The following TRIM44 variants were observed in gnomAD, a reference collection of about 807,000 sequenced individuals.
The protein encoded by TRIM44 is tripartite motif containing 44, also known as tripartite motif-containing protein 44.
In TRIM44, 13 loss-of-function variants were observed where a neutral mutation model predicts 37.4. The ratio of observed to expected loss-of-function variants is 0.35; its 90% CI spans 0.23 to 0.55. The LOEUF is 0.55. TRIM44 is among the 20% of genes least tolerant of loss of function. The probability of loss-of-function intolerance (pLI) is 0.89; values close to 1 mark genes in which losing one functional copy is unlikely to be tolerated. For missense variants in TRIM44, 426 were observed against 437.2 expected, an observed-to-expected ratio of 0.97 and a Z score of 0.23; for synonymous variants, 175 against 157.2, an observed-to-expected ratio of 1.11 and a Z score of -0.85.
intron 2 of TRIM44, among the ~76,000 whole-genome samples, chr11:35,717,640 C>G (rs898347115): frequency 6.6e-6 from 1 of 152,142 alleles, no homozygotes. Flanking sequence ...TTGGTTCTAT[C>G]TGGGCAGTAG....
chr11:35,709,831 C>T (rs1319950288), intron 2 of TRIM44, among the ~76,000 whole-genome samples: 3 of 152,226 alleles, frequency 2.0e-5, no homozygotes, highest in Non-Finnish European at 4.4e-5. Context: ...TAAACAAAAA[C>T]GTCAGCTGAA....
chr11:35,757,993 G>A (rs953375383), intron 4 of TRIM44, among the ~76,000 whole-genome samples: 2 of 152,178 alleles, frequency 1.3e-5, no homozygotes, highest in African/African-American at 4.8e-5. Context: ...GGGGTGGAGA[G>A]TTCTGTAGAT....
At position 35,663,027 on chromosome 11, in the gene TRIM44, G is replaced by T; in HGVS notation, c.-85G>T. The T allele has an allele frequency of 7.0e-7, 1 of 1,436,014 alleles. No individual in the cohort carries two copies. Among genetic ancestry groups the T allele is most frequent in the African/African-American group, 1.4e-5 (1 of 69,916 alleles). 89.0% of individuals were successfully genotyped at this position (1,436,014 alleles called of 1,614,324 possible). On this transcript the variant is annotated 5_prime_UTR_variant, in exon 1 of 5. Coordinates refer to ENST00000299413, the MANE Select transcript of TRIM44 (RefSeq NM_017583.6). Reference sequence around the variant, plus strand: ...GAGGCGACTCCCTAGGAAGGGACCCGGGGCGGGAGGAGGAAGTGAGGCCGC... The same window carrying T: ...GAGGCGACTCCCTAGGAAGGGACCCTGGGCGGGAGGAGGAAGTGAGGCCGC...
At chr11:35,681,574 G>C (rs1851521379) in intron 1 of TRIM44, among the ~76,000 whole-genome samples, 1 of 152,194 alleles carries the variant, frequency 6.6e-6, no homozygotes, top group Non-Finnish European at 1.5e-5. Flanking sequence ...GAGAAGTACA[G>C]ATAGCAGGGG....
chr11:35,663,195 G>A lies in TRIM44; in HGVS notation c.84G>A (p.Gly28=), dbSNP rs771344870. The A allele has an allele frequency of 3.1e-5, 50 of 1,591,996 alleles. No individual in the cohort carries two copies. Among genetic ancestry groups the A allele is most frequent in the Non-Finnish European group, 4.1e-5 (48 of 1,168,698 alleles). Residue 28 remains glycine, a synonymous_variant, in exon 1 of 5, where the codon GGG becomes GGA. Transcript: ENST00000299413. ...AGTGCGAGCCCGACGAGGCTCCGGG[G>A]GCCGAGGAAGTGTGCCGAGAATGCG... ...CDECEPDEAP[G]AEEVCRECGF... is the part of the protein sequence containing the mutation.
intron 2 of TRIM44, among the ~76,000 whole-genome samples, chr11:35,703,091 C>T (rs1398292634): frequency 1.3e-5 from 2 of 152,226 alleles, no homozygotes; most frequent in Non-Finnish European, 2.9e-5. Context: ...AAAAACGGCG[C>T]ACCAGGAGAT....
intron 1 of TRIM44, among the ~76,000 whole-genome samples, chr11:35,666,338 C>G (rs575350566): frequency 6.6e-6 from 1 of 152,260 alleles, no homozygotes; most frequent in East Asian, 1.9e-4. Flanking sequence ...CAGGTCCTTC[C>G]ATCTTGTCCT....
At chr11:35,680,066 A>G (rs1380626010) in intron 1 of TRIM44, among the ~76,000 whole-genome samples, 1 of 152,174 alleles carries the variant, frequency 6.6e-6, no homozygotes, top group Non-Finnish European at 1.5e-5. Context: ...ACCCCCTGAA[A>G]TCCATACATG....
chr11:35,769,455 T>C (rs537941038), intron 4 of TRIM44, among the ~76,000 whole-genome samples: 27 of 152,200 alleles, frequency 1.8e-4, no homozygotes, highest in Non-Finnish European at 4.0e-4. Flanking sequence ...AGTCTAGCCT[T>C]GTTTCTTTTT....
Position 35,680,527 on chromosome 11 carries a change from C to T in TRIM44, c.670-4732C>T, listed in dbSNP as rs551456217. ...ACCTCATTCTTTTTATTTGCTATGT[C>T]GTATTCCACAGTGTGTTAATTCCAC... On this transcript the variant is annotated intron_variant, in intron 1 of 4. Transcript: ENST00000299413. Among the ~76,000 whole-genome samples the T allele has an allele frequency of 1.3e-3, 201 of 151,846 alleles. 1 individual carries two copies. The highest frequency in any genetic ancestry group is 2.0e-3 in the Non-Finnish European group (137 of 67,944).
intron 4 of TRIM44, among the ~76,000 whole-genome samples, chr11:35,776,262 A>G (rs902407854): frequency 2.0e-5 from 3 of 152,170 alleles, no homozygotes; most frequent in African/African-American, 7.2e-5. Flanking sequence ...TGTTTATAGT[A>G]TTCTCTGATG....
intron 4 of TRIM44, among the ~76,000 whole-genome samples, chr11:35,805,166 T>C (rs1737954550): frequency 6.6e-6 from 1 of 152,142 alleles, no homozygotes; most frequent in Non-Finnish European, 1.5e-5. Flanking sequence ...AGAGCTTCAC[T>C]TTTTTCATCT....
chr11:35,808,440 C>G lies in TRIM44; in HGVS notation c.*2055C>G, dbSNP rs1853483974. 6.6e-6 allele frequency: 1 copy of G among 152,140 alleles called. No individual in the cohort carries two copies. The highest frequency in any genetic ancestry group is 6.5e-5 in the Admixed American group (1 of 15,274). The allele number at this position is 152,140 out of a possible 1,614,324, so 9.4% of individuals were successfully genotyped here. The stretch of plus-strand genomic sequence containing the variant: ...TTTAGGATTTGGAAGCTTGTATTGT[C>G]TTTCCCCAATAATCATTGTTTGATC... On this transcript the variant is annotated 3_prime_UTR_variant, in exon 5 of 5. Transcript: ENST00000299413.
chr11:35,733,275 A>C (rs1324017343), intron 3 of TRIM44, among the ~76,000 whole-genome samples: 2 of 152,162 alleles, frequency 1.3e-5, no homozygotes, highest in Non-Finnish European at 1.5e-5. Context: ...CCTGTCTCTT[A>C]ATCATTACAC....
rs1851287359 is a variant in TRIM44 at position 35,663,008 on chromosome 11, A to G, written c.-104A>G. 1 of 1,414,260 alleles carries G rather than the reference A, an allele frequency of 7.1e-7. No individual in the cohort carries two copies. Among genetic ancestry groups the G allele is most frequent in the African/African-American group, 1.5e-5 (1 of 68,050 alleles). 87.6% of individuals were successfully genotyped at this position (1,414,260 alleles called of 1,614,324 possible). On this transcript the variant is annotated 5_prime_UTR_variant, in exon 1 of 5. Coordinates refer to ENST00000299413, the MANE Select transcript of TRIM44 (RefSeq NM_017583.6). ...CGCGGCGCGGTCCAGGCGGGAGGCG[A>G]CTCCCTAGGAAGGGACCCGGGGCGG...
intron 4 of TRIM44, among the ~76,000 whole-genome samples, chr11:35,762,817 A>AAACTATTTAAACTAAGGAGTTT (rs1229102656): frequency 1.6e-4 from 24 of 152,032 alleles, no homozygotes; most frequent in African/African-American, 4.8e-4. Context: ...TTAACTATTT[A>AAACTATTTAAACTAAGGAGTTT]AACTATTTAA....
intron 1 of TRIM44, among the ~76,000 whole-genome samples, chr11:35,676,172 GAGTTATGATGAGGAACAAACA>G (rs1322464391): frequency 1.1e-4 from 17 of 152,210 alleles, no homozygotes; most frequent in Admixed American, 4.6e-4. Flanking sequence ...TCTCCTTATT[GAGTTATGATGAGGAACAAACA>G]AGATCATAGA....
chr11:35,780,964 T>G (rs1294757453), intron 4 of TRIM44, among the ~76,000 whole-genome samples: 1 of 152,048 alleles, frequency 6.6e-6, no homozygotes, highest in African/African-American at 2.4e-5. Context: ...TTAACTCTAG[T>G]GGGAAGAGCT....
rs1364037498 is a variant in TRIM44 at position 35,676,789 on chromosome 11, T to C, written c.670-8470T>C. ...CTGGCAGGCTCTAACCTGTGTTGATTGGTAGACTCTGACTTCATGTGTATA... is the reference window on the plus strand; with the variant it reads ...CTGGCAGGCTCTAACCTGTGTTGATCGGTAGACTCTGACTTCATGTGTATA... On this transcript the variant is annotated intron_variant, in intron 1 of 4. Transcript: ENST00000299413. Among the ~76,000 whole-genome samples, 5 of 152,322 alleles carry C rather than the reference T, an allele frequency of 3.3e-5. No homozygotes were observed. The South Asian group carries it at 6.2e-4, about 19-fold the overall frequency.
Sources: allele counts gnomAD v4.1 joint callset (sites outside exome capture counted in the v4.1 genomes callset), GRCh38; gene constraint gnomAD v4.1.1; transcripts MANE v1.5; gene names NCBI Gene and HGNC (gene_info 2026-07-23, HGNC 2026-07-21).